RBFOX3: variants seen among roughly 807,000 people sequenced by gnomAD.
The protein encoded by RBFOX3 is RNA binding fox-1 homolog 3.
A neutral mutation model predicts 48.7 loss-of-function variants in RBFOX3; 17 were observed. The ratio of observed to expected loss-of-function variants is 0.35; its 90% confidence interval spans 0.24 to 0.52. The LOEUF (loss-of-function observed/expected upper bound fraction) is 0.52. Ranked by LOEUF, RBFOX3 falls within the 20% of genes least tolerant of loss-of-function variation. RBFOX3 has a pLI of 0.94. For synonymous variants in RBFOX3, 212 were observed against 209.5 expected, an observed-to-expected ratio of 1.01 and a Z score of -0.10; for missense variants, 382 against 497.5, an observed-to-expected ratio of 0.77 and a Z score of 2.21.
At chr17:79,277,674 T>C (rs935105705) in intron 3 of RBFOX3, among the ~76,000 whole-genome samples, 3 of 152,074 alleles carry the variant, frequency 2.0e-5, no homozygotes, top group Non-Finnish European at 2.9e-5. Context: ...AAAACTCCAC[T>C]GGGTCAAGGG....
At chr17:79,266,608 G>T (rs118151306) in intron 3 of RBFOX3, among the ~76,000 whole-genome samples, 1 of 152,180 alleles carries the variant, frequency 6.6e-6, no homozygotes, top group Non-Finnish European at 1.5e-5. Flanking sequence ...GATGACTCTT[G>T]GTGGCCCCTA....
chr17:79,619,024 G>A, the RBFOX3 span, among the ~76,000 whole-genome samples: 24 of 152,190 alleles, frequency 1.6e-4, no homozygotes, highest in Admixed American at 1.1e-3. Flanking sequence ...CAGTTCAGTC[G>A]AAACCATAAT....
At chr17:79,580,273 C>G (rs1215023666) in intron 1 of RBFOX3, among the ~76,000 whole-genome samples, 1 of 123,060 alleles carries the variant, frequency 8.1e-6, no homozygotes, top group Non-Finnish European at 1.7e-5. Context: ...TCCTCCTCCT[C>G]CCCCCCCATC....
rs2076766230 is a variant in RBFOX3 at position 79,103,252 on chromosome 17, A to G, written c.417T>C (p.Gly139=). 6.5e-7 allele frequency: 1 copy of G among 1,548,572 alleles called. No individual in the cohort carries two copies. The highest frequency in any genetic ancestry group is 1.2e-5 in the South Asian group (1 of 84,016). The change falls in exon 8 of 15, where the codon GGT becomes GGC. Residue 139 remains glycine (G), a splice_region_variant and synonymous_variant. Coordinates refer to ENST00000693108, the MANE Select transcript of RBFOX3 (RefSeq NM_001350451.2). This position sits in a 1 kb window ranked among gnomAD's most constrained non-coding sequence, Gnocchi z 6.1. ...EIIFNERGSK[G]FGFVTFETSS... is the part of the protein sequence containing the mutation. ...TAGTTTCAAAAGTTACAAACCCAAA[A>G]CCCTGTGAGCAGAGGAGAGGGAAGG...
In RBFOX3 at chr17:79,479,906, C is replaced by T. The variant is rs1568322171; in HGVS notation, c.-175+2548G>A. 6.6e-6 allele frequency among the ~76,000 whole-genome samples: 1 copy of T among 152,222 alleles called. No individual in the cohort carries two copies. Among genetic ancestry groups the T allele is most frequent in the Admixed American group, 6.5e-5 (1 of 15,278 alleles). ...CTGCACGCATCTTCTTGGAACTAGG[C>T]GTCTGAGGTTCCAGAGACAGAGCAT... On this transcript the variant is annotated intron_variant, in intron 2 of 14. Transcript: ENST00000693108. This position sits in a 1 kb window ranked among gnomAD's most constrained non-coding sequence, Gnocchi z 5.1.
chr17:79,317,555 C>T (rs899563235), intron 2 of RBFOX3, among the ~76,000 whole-genome samples: 3 of 152,200 alleles, frequency 2.0e-5, no homozygotes, highest in South Asian at 2.1e-4. Context: ...GCAGCAGCAC[C>T]GATGCCCGTG....
chr17:79,430,648 G>C (rs191307479), intron 2 of RBFOX3, among the ~76,000 whole-genome samples: 7 of 152,306 alleles, frequency 4.6e-5, no homozygotes, highest in African/African-American at 1.7e-4. Context: ...GGGTTCAAGC[G>C]ATTCTCCTGC....
chr17:79,446,676 T>C (rs1332902879), intron 2 of RBFOX3, among the ~76,000 whole-genome samples: 2 of 152,212 alleles, frequency 1.3e-5, no homozygotes, highest in Admixed American at 1.3e-4. Flanking sequence ...ATAACCTGTC[T>C]CTTAATTTGC....
intron 1 of RBFOX3, chr17:79,599,499 G>C (rs1301671953): frequency 6.6e-6 from 1 of 152,276 alleles, no homozygotes; most frequent in African/African-American, 2.4e-5. Flanking sequence ...TGACCGTGAA[G>C]CCACCGCAGC....
chr17:79,490,346 A>T (rs1457792237), intron 1 of RBFOX3, among the ~76,000 whole-genome samples: 2 of 152,172 alleles, frequency 1.3e-5, no homozygotes, highest in African/African-American at 4.8e-5. Context: ...TGCAAAGTGG[A>T]GGGCTGTAAT....
intron 2 of RBFOX3, among the ~76,000 whole-genome samples, chr17:79,402,946 C>A (rs2063004318): frequency 6.6e-6 from 1 of 152,248 alleles, no homozygotes; most frequent in South Asian, 2.1e-4. Flanking sequence ...AGGACGTGCC[C>A]GGCAAAGAGA....
rs1470556756 is a variant in RBFOX3 at position 79,220,307 on chromosome 17, C to T, written c.-34+15459G>A. ...TGGGGGTAGGGGCTTGGTCCCCCAACGCTGGCACTCAGTTTAGCTGTCACT... is the reference window on the plus strand; with the variant it reads ...TGGGGGTAGGGGCTTGGTCCCCCAATGCTGGCACTCAGTTTAGCTGTCACT... On this transcript the variant is annotated intron_variant, in intron 4 of 14. Coordinates refer to ENST00000693108, the MANE Select transcript of RBFOX3 (RefSeq NM_001350451.2). This position sits in a 1 kb window ranked among gnomAD's most constrained non-coding sequence, Gnocchi z 5.9. 6.6e-6 allele frequency among the ~76,000 whole-genome samples: 1 copy of T among 152,338 alleles called. No homozygotes were observed. The highest frequency in any genetic ancestry group is 2.1e-4 in the South Asian group (1 of 4,826).
intron 1 of RBFOX3, among the ~76,000 whole-genome samples, chr17:79,490,681 C>G (rs1284871485): frequency 6.6e-6 from 1 of 150,914 alleles, no homozygotes; most frequent in Non-Finnish European, 1.5e-5. Flanking sequence ...TGGGGCACAG[C>G]TGGGAACACC....
intron 3 of RBFOX3, among the ~76,000 whole-genome samples, chr17:79,271,931 A>T (rs2067797696): frequency 6.6e-6 from 1 of 152,228 alleles, no homozygotes. Context: ...CCACACCAGC[A>T]GCCGGCCACA....
chr17:79,160,842 TG>T (rs2046825163), intron 4 of RBFOX3, among the ~76,000 whole-genome samples: 1 of 152,060 alleles, frequency 6.6e-6, no homozygotes, highest in African/African-American at 2.4e-5. Flanking sequence ...TAGCCAGGCA[TG>T]GTGACGCACA....
the RBFOX3 span, among the ~76,000 whole-genome samples, chr17:79,622,145 A>C: frequency 6.6e-6 from 1 of 151,840 alleles, no homozygotes; most frequent in African/African-American, 2.4e-5. Context: ...ACATGTTACT[A>C]GGTATACACA....
At chr17:79,448,838 G>A (rs1414187565) in intron 2 of RBFOX3, among the ~76,000 whole-genome samples, 3 of 152,114 alleles carry the variant, frequency 2.0e-5, no homozygotes, top group African/African-American at 4.8e-5. Flanking sequence ...CCACCTGGAC[G>A]GCAGCCCCTG....
intron 1 of RBFOX3, among the ~76,000 whole-genome samples, chr17:79,542,950 G>A (rs908273634): frequency 4.6e-5 from 7 of 152,036 alleles, no homozygotes; most frequent in East Asian, 1.9e-4. Flanking sequence ...TGGAGTTGGC[G>A]TACACTTTTC....
At chr17:79,151,993 C>T (rs67677487) in intron 4 of RBFOX3, among the ~76,000 whole-genome samples, 59,820 of 95,364 alleles carry the variant, frequency 0.63, 22,085 homozygotes, top group Non-Finnish European at 0.69. Context: ...ATCCCCAAGG[C>T]CCCCTGTCCC....
Sources: allele counts gnomAD v4.1 joint callset (sites outside exome capture counted in the v4.1 genomes callset), GRCh38; gene constraint gnomAD v4.1.1; non-coding constraint Gnocchi (gnomAD v3.1); transcripts MANE v1.5; gene names NCBI Gene and HGNC (gene_info 2026-07-23, HGNC 2026-07-21).